YTHDF3: variants seen among roughly 807,000 people sequenced by gnomAD.
The protein encoded by YTHDF3 is YTH domain-containing family protein 3.
A neutral mutation model predicts 52.5 loss-of-function variants in YTHDF3; 9 were observed. That is an observed-to-expected ratio of 0.17 (90% confidence interval 0.10 to 0.30). The LOEUF is 0.30. YTHDF3 is among the 10% of genes least tolerant of loss of function. YTHDF3 has a pLI of 1.00. For synonymous variants in YTHDF3, 274 were observed against 243.3 expected (o/e 1.13, Z -1.18); for missense variants, 534 against 715.0 (o/e 0.75, Z 2.89).
chr8:63,204,264 C>T (rs1563413537), intron 4 of YTHDF3, among the ~76,000 whole-genome samples: 1 of 151,894 alleles, frequency 6.6e-6, no homozygotes, highest in Non-Finnish European at 1.5e-5. Flanking sequence ...TTCTACTCCA[C>T]AAATGAGGCA....
intron 4 of YTHDF3, among the ~76,000 whole-genome samples, chr8:63,200,546 G>A (rs982496240): frequency 6.6e-6 from 1 of 151,786 alleles, no homozygotes; most frequent in Non-Finnish European, 1.5e-5. Context: ...ATTTATAAGG[G>A]TGTGAATACC....
At chr8:63,179,800 C>T (rs1418602367) in intron 3 of YTHDF3, among the ~76,000 whole-genome samples, 2 of 151,772 alleles carry the variant, frequency 1.3e-5, no homozygotes, top group African/African-American at 2.4e-5. Context: ...GGCGGCCGGG[C>T]AGAGGTGCCC....
Position 63,186,389 on chromosome 8 carries a change from T to C in YTHDF3, c.378T>C (p.Phe126=), listed in dbSNP as rs767050181. ...TTCTTGGTCAACATGGATTTAACTT[T>C]TTTCCTGGTAATGCTGATTTCTCTA... is the stretch of plus-strand genomic sequence containing the variant. ...PPFLGQHGFN[F]FPGNADFSTW... The change falls in exon 4 of 5, where the codon TTT becomes TTC. Residue 126 remains phenylalanine, a synonymous_variant. Coordinates refer to ENST00000539294, the MANE Select transcript of YTHDF3 (RefSeq NM_152758.6). 2 of 1,614,016 alleles carry C rather than the reference T, an allele frequency of 1.2e-6. No homozygotes were observed. The highest frequency in any genetic ancestry group is 1.7e-6 in the Non-Finnish European group (2 of 1,179,886).
intron 4 of YTHDF3, among the ~76,000 whole-genome samples, chr8:63,197,914 A>AT (rs1809343311): frequency 6.6e-6 from 1 of 152,204 alleles, no homozygotes; most frequent in South Asian, 2.1e-4. Flanking sequence ...AATGTGAGTC[A>AT]TTTAAATCCC....
intron 4 of YTHDF3, among the ~76,000 whole-genome samples, chr8:63,202,437 C>T (rs960642209): frequency 6.6e-6 from 1 of 150,964 alleles, no homozygotes; most frequent in Non-Finnish European, 1.5e-5. Flanking sequence ...GGGTTTTATC[C>T]ATCTGTTACT....
At chr8:63,176,046 G>A (rs1294027480) in intron 3 of YTHDF3, among the ~76,000 whole-genome samples, 2 of 152,060 alleles carry the variant, frequency 1.3e-5, no homozygotes, top group East Asian at 3.9e-4. Flanking sequence ...GTGTACAAGC[G>A]TAATTCCAAT....
Position 63,168,669 on chromosome 8 carries a change from A to G in YTHDF3, c.-209A>G. 1.2e-6 allele frequency: 1 copy of G among 861,278 alleles called. No individual in the cohort carries two copies. Among genetic ancestry groups the G allele is most frequent in the Non-Finnish European group, 1.8e-6 (1 of 558,940 alleles). The allele number at this position is 861,278 out of a possible 1,614,324, so 53.4% of individuals were successfully genotyped here. A position where few individuals can be genotyped will look rare whatever the true frequency, so the allele number is the denominator to read the frequency against. ...TTGTGGACCCGAGAAGCAGAGAGCG[A>G]GAGGGGGAAGAGGAGCGTGCAAGCG... On this transcript the variant is annotated 5_prime_UTR_variant, in exon 1 of 5. Transcript: ENST00000539294.
rs1465548329 is a variant in YTHDF3 at position 63,188,706 on chromosome 8, T to A, written c.1734+961T>A. On this transcript the variant is annotated intron_variant, in intron 4 of 4. Transcript: ENST00000539294. ...ATATATATATATATATATATATTTT[T>A]TTTTTTTTTTTTTTTTTTCTTTTGT... 4.4e-3 allele frequency: 470 copies of A among 106,402 alleles called. 1 individual carries two copies. Among genetic ancestry groups the A allele is most frequent in the African/African-American group, 0.013 (363 of 27,868 alleles). The allele number at this position is 106,402 out of a possible 1,614,324, so 6.6% of individuals were successfully genotyped here. A position where few individuals can be genotyped will look rare whatever the true frequency, so the allele number is the denominator to read the frequency against.
intron 4 of YTHDF3, among the ~76,000 whole-genome samples, chr8:63,191,124 A>G (rs1433965305): frequency 2.0e-5 from 3 of 152,124 alleles, no homozygotes; most frequent in Non-Finnish European, 2.9e-5. Flanking sequence ...GCCAGCCTAC[A>G]TTTTTTGTTT....
rs1482918755 is a variant in YTHDF3 at position 63,186,316 on chromosome 8, C to T, written c.305C>T (p.Pro102Leu). 6.2e-7 allele frequency: 1 copy of T among 1,613,994 alleles called. No homozygotes were observed. Residue 102 changes from proline to leucine, a missense_variant, in exon 4 of 5, where the codon CCA (proline) becomes CTA (leucine). Physicochemically the swap from Pro to Leu is moderately conservative, Grantham distance 98 (BLOSUM62 -3). Around this residue, in one of 3 missense-constraint regions of YTHDF3, gnomAD observed 196 missense variants for 299.5 expected, o/e 0.65. Transcript: ENST00000539294. ...QMSNGEHHYI[P>L]DGVFSQPGAL... ...AGTAATGGAGAACATCACTATATAC[C>T]AGATGGTGTATTTAGTCAACCTGGG...
intron 4 of YTHDF3, among the ~76,000 whole-genome samples, chr8:63,198,212 CTCT>C (rs1446407513): frequency 1.3e-5 from 2 of 151,776 alleles, no homozygotes; most frequent in Non-Finnish European, 2.9e-5. Context: ...TCTTTGTTTT[CTCT>C]TCTTTCTTTT....
chr8:63,169,161 A>G (rs1026902136), intron 1 of YTHDF3: 2 of 1,414,070 alleles, frequency 1.4e-6, no homozygotes, highest in South Asian at 1.5e-5. Context: ...GGCGGCAGAC[A>G]TGGGGCGGAG....
intron 3 of YTHDF3, among the ~76,000 whole-genome samples, chr8:63,179,667 C>T (rs1807946751): frequency 1.3e-5 from 2 of 152,236 alleles, no homozygotes; most frequent in Non-Finnish European, 1.5e-5. Flanking sequence ...TTTTCCCCAC[C>T]CCTCCCCCCT....
intron 3 of YTHDF3, among the ~76,000 whole-genome samples, chr8:63,180,755 C>G (rs933641814): frequency 6.6e-6 from 1 of 152,258 alleles, no homozygotes; most frequent in Non-Finnish European, 1.5e-5. Context: ...GCGGATCACT[C>G]GCGGTTAGGA....
Position 63,187,157 on chromosome 8 carries a change from C to G in YTHDF3, c.1146C>G (p.Val382=). The G allele has an allele frequency of 1.2e-6, 2 of 1,613,956 alleles. No individual in the cohort carries two copies. The highest frequency in any genetic ancestry group is 2.2e-5 in the East Asian group (1 of 44,882). ...SENFGLGVVP[V]SASPSSVEVH... ...ACTTTGGTTTAGGTGTTGTACCTGT[C>G]AGTGCTTCACCTTCTAGTGTAGAAG... Residue 382 remains valine (V), a synonymous_variant, in exon 4 of 5, where the codon GTC becomes GTG. Coordinates refer to ENST00000539294, the MANE Select transcript of YTHDF3 (RefSeq NM_152758.6).
At chr8:63,173,997 C>A (rs1467116624) in intron 2 of YTHDF3, among the ~76,000 whole-genome samples, 1 of 152,028 alleles carries the variant, frequency 6.6e-6, no homozygotes, top group Non-Finnish European at 1.5e-5. Context: ...CATTGGATGG[C>A]AAAGATTTAA....
rs576705258 is a variant in YTHDF3 at position 63,190,849 on chromosome 8, T to G, written c.1734+3104T>G. On this transcript the variant is annotated intron_variant, in intron 4 of 4. Transcript: ENST00000539294. ...ATTGCTCAGTTAATCTCCTTTAAAT[T>G]TAATTCAGCTGAAGTTTTTCTTTTG... Among the ~76,000 whole-genome samples, 3 of 152,322 alleles carry G rather than the reference T, an allele frequency of 2.0e-5. No homozygotes were observed. In the East Asian group the frequency reaches 5.8e-4, roughly 29 times the overall value.
chr8:63,205,017 A>C (rs559423300), intron 4 of YTHDF3, among the ~76,000 whole-genome samples: 1 of 152,246 alleles, frequency 6.6e-6, no homozygotes, highest in South Asian at 2.1e-4. Context: ...GTCTTAGCTC[A>C]TTTGTTAACC....
At chr8:63,187,820 T>A (rs945727249) in intron 4 of YTHDF3, 75 bp downstream of exon 4, 1 of 1,452,728 alleles carries the variant, frequency 6.9e-7, no homozygotes, top group Middle Eastern at 1.8e-4. Flanking sequence ...ATTCTGAGTT[T>A]AAGAACTTTC....
Sources: gnomAD v4.1 joint callset for allele counts (sites outside exome capture counted in the v4.1 genomes callset) on GRCh38, gnomAD v4.1.1 for gene constraint, gnomAD v4.1.1 regional missense constraint, MANE v1.5 for transcripts, NCBI Gene and HGNC (gene_info 2026-07-23, HGNC 2026-07-21) for gene names.